The following SDE2 variants were observed in gnomAD, a reference collection of about 807,000 sequenced individuals.
The protein encoded by SDE2 is splicing regulator SDE2.
A neutral mutation model predicts 46.9 loss-of-function variants in SDE2; 31 were observed. That is an observed-to-expected ratio of 0.66 (90% CI 0.50 to 0.89). The LOEUF (loss-of-function observed/expected upper bound fraction) is 0.89. Ranked by LOEUF, SDE2 falls within the 40% of genes least tolerant of loss-of-function variation. SDE2 has a pLI of 0.00. For missense variants in SDE2, 542 were observed against 564.4 expected (o/e 0.96, Z 0.40); for synonymous variants, 205 against 204.3 (o/e 1.00, Z -0.03).
chr1:225,990,317 C>T (rs1576175011), intron 5 of SDE2, among the ~76,000 whole-genome samples: 1 of 152,070 alleles, frequency 6.6e-6, no homozygotes, highest in East Asian at 1.9e-4. Flanking sequence ...ATATGACATC[C>T]TAGAAAAGAC....
chr1:225,993,177 A>T (rs890140273), intron 2 of SDE2, among the ~76,000 whole-genome samples, 175 bp from the exon 3 acceptor site: 11 of 152,088 alleles, frequency 7.2e-5, no homozygotes, highest in Non-Finnish European at 1.3e-4. Flanking sequence ...CGAAAGTAAA[A>T]AGACTGATTT....
At chr1:225,997,333 T>C (rs1344733458) in intron 1 of SDE2, among the ~76,000 whole-genome samples, 1 of 152,248 alleles carries the variant, frequency 6.6e-6, no homozygotes, top group Non-Finnish European at 1.5e-5. Context: ...CTATTCTTAC[T>C]TGTTCCAGTA....
In SDE2 at chr1:225,985,069, G is replaced by C. The variant is rs534712926; in HGVS notation, c.*233C>G. On this transcript the variant is annotated 3_prime_UTR_variant, in exon 7 of 7. Coordinates refer to ENST00000272091, the MANE Select transcript of SDE2 (RefSeq NM_152608.4). ...ACACCAAGATCAAACCAAAAAATGT[G>C]AATAGCCCTATATTTATTAAATACA... 6.7e-4 allele frequency: 337 copies of C among 503,298 alleles called. 5 individuals are homozygous for C. The South Asian group carries it at 8.1e-3, about 12-fold the overall frequency. The allele number at this position is 503,298 out of a possible 1,614,324, so 31.2% of individuals were successfully genotyped here.
At chr1:225,986,833 A>T (rs1656280579) in intron 6 of SDE2, among the ~76,000 whole-genome samples, 1 of 152,252 alleles carries the variant, frequency 6.6e-6, no homozygotes, top group African/African-American at 2.4e-5. Context: ...AGGGCAATTT[A>T]TGCATTTTTA....
At chr1:225,992,276 A>C in intron 4 of SDE2, 122 bp downstream of exon 4, 2 of 621,130 alleles carry the variant, frequency 3.2e-6, no homozygotes, top group Non-Finnish European at 2.7e-6. Flanking sequence ...TTTTCATCAG[A>C]TTCTCAGACA....
chr1:225,996,743 T>C (rs1304383604), intron 1 of SDE2, among the ~76,000 whole-genome samples: 3 of 152,228 alleles, frequency 2.0e-5, no homozygotes, highest in East Asian at 3.9e-4. Context: ...ATTACAAGAT[T>C]TGGGGCTAGG....
chr1:225,992,851 T>C (rs775760158), intron 3 of SDE2, 40 bp downstream of exon 3: 3 of 1,140,856 alleles, frequency 2.6e-6, no homozygotes, highest in Admixed American at 3.5e-5. Flanking sequence ...GGAAAGTATA[T>C]GTCTCTCCTC....
intron 1 of SDE2, among the ~76,000 whole-genome samples, 192 bp downstream of exon 1, chr1:225,999,001 A>G (rs1245511736): frequency 6.6e-6 from 1 of 152,062 alleles, no homozygotes; most frequent in African/African-American, 2.4e-5. Flanking sequence ...AGGCAAAACC[A>G]CCACCACAAA....
Position 225,988,329 on chromosome 1 carries a change from T to G in SDE2, c.701A>C (p.Asp234Ala). The change falls in exon 6 of 7, where the codon GAC becomes GCC. Residue 234 changes from aspartate to alanine, a missense_variant. Asp to Ala is a moderately radical substitution (Grantham distance 126, BLOSUM62 -2). Around this residue, in one of 3 missense-constraint regions of SDE2, gnomAD observed 401 missense variants for 437.8 expected, o/e 0.92. Transcript: ENST00000272091. The stretch of plus-strand genomic sequence containing the variant: ...TGAAGTGCTTGGTGCTTCTTCACTG[T>G]CATCATCTGAACTCTCAGAGTTGGA... ...EGSNSESSDD[D>A]SEEAPSTSGM... The G allele has an allele frequency of 2.5e-6, 4 of 1,614,152 alleles. No homozygotes were observed. Among genetic ancestry groups the G allele is most frequent in the Non-Finnish European group, 3.4e-6 (4 of 1,179,978 alleles).
At chr1:225,995,099 A>G (rs4653702) in intron 2 of SDE2, among the ~76,000 whole-genome samples, 167 bp downstream of exon 2, 54,451 of 152,158 alleles carry the variant, frequency 0.36, 10,978 homozygotes, top group Admixed American at 0.52. Context: ...GGTTAAGTAA[A>G]TAAAAGAATT....
In SDE2 at chr1:225,994,903, G is replaced by A. The variant is rs866922157; in HGVS notation, c.238+363C>T. Among the ~76,000 whole-genome samples the A allele has an allele frequency of 9.9e-5, 15 of 152,240 alleles. 1 individual carries two copies. The highest frequency in any genetic ancestry group is 3.4e-3 in the Middle Eastern group (1 of 294). On this transcript the variant is annotated intron_variant, in intron 2 of 6. Transcript: ENST00000272091. Reference sequence around the variant, plus strand: ...TACAAAAAATACAAAAATTAGCTGCGCATGGTGGCATGTGCCTATAGTCCC... The same window carrying A: ...TACAAAAAATACAAAAATTAGCTGCACATGGTGGCATGTGCCTATAGTCCC...
chr1:225,998,391 G>C (rs548054076), intron 1 of SDE2, among the ~76,000 whole-genome samples: 2 of 152,302 alleles, frequency 1.3e-5, no homozygotes, highest in South Asian at 2.1e-4. Context: ...TAAATAGTAA[G>C]CAGAGGAAAT....
chr1:225,987,332 C>T (rs571944478), intron 6 of SDE2, among the ~76,000 whole-genome samples: 9 of 152,132 alleles, frequency 5.9e-5, no homozygotes, highest in Non-Finnish European at 1.2e-4. Context: ...GGATTACAGG[C>T]GTGAGCCACC....
At position 225,985,052 on chromosome 1, in the gene SDE2, A is replaced by G; in HGVS notation, c.*250T>C. ...GATTCATTACCTAAATGACACCAAG[A>G]TCAAACCAAAAAATGTGAATAGCCC... On this transcript the variant is annotated 3_prime_UTR_variant, in exon 7 of 7. Transcript: ENST00000272091. 2.1e-6 allele frequency: 1 copy of G among 469,614 alleles called. No individual in the cohort carries two copies. Among genetic ancestry groups the G allele is most frequent in the Non-Finnish European group, 3.8e-6 (1 of 264,064 alleles). The allele number at this position is 469,614 out of a possible 1,614,324, so 29.1% of individuals were successfully genotyped here.
chr1:225,989,304 A>T (rs57327774), intron 5 of SDE2, among the ~76,000 whole-genome samples: 1,677 of 146,502 alleles, frequency 0.011, 25 homozygotes, highest in South Asian at 0.057. Flanking sequence ...AAAAAAAAAA[A>T]AAAAATAATA....
chr1:225,997,813 G>A (rs73100509), intron 1 of SDE2, among the ~76,000 whole-genome samples: 2,195 of 152,228 alleles, frequency 0.014, 54 homozygotes, highest in African/African-American at 0.05. Context: ...TTTCACTTTG[G>A]ATCAATTGTC....
rs1237620069 is a variant in SDE2 at position 225,985,298 on chromosome 1, A to G, written c.*4T>C. 6.2e-7 allele frequency: 1 copy of G among 1,607,774 alleles called. No individual in the cohort carries two copies. The highest frequency in any genetic ancestry group is 1.7e-5 in the Admixed American group (1 of 60,008). On this transcript the variant is annotated 3_prime_UTR_variant, in exon 7 of 7. Transcript: ENST00000272091. Reference sequence around the variant, plus strand: ...AAACAAATAGGAATCAGCTCTGATGATACTCATTTTTTCTTCCCTTTCAAA... The same window carrying G: ...AAACAAATAGGAATCAGCTCTGATGGTACTCATTTTTTCTTCCCTTTCAAA...
intron 1 of SDE2, among the ~76,000 whole-genome samples, chr1:225,996,482 C>T (rs1381405075): frequency 6.6e-6 from 1 of 152,078 alleles, no homozygotes; most frequent in East Asian, 1.9e-4. Flanking sequence ...AACAAAATTG[C>T]ATTTTCTACT....
At chr1:225,996,059 T>C (rs1028351928) in intron 1 of SDE2, among the ~76,000 whole-genome samples, 2 of 152,158 alleles carry the variant, frequency 1.3e-5, no homozygotes, top group African/African-American at 2.4e-5. Context: ...CTGGTGGATG[T>C]ATGGAGACTG....
Sources: gnomAD v4.1 joint callset for allele counts (sites outside exome capture counted in the v4.1 genomes callset) on GRCh38, gnomAD v4.1.1 for gene constraint, gnomAD v4.1.1 regional missense constraint, MANE v1.5 for transcripts, NCBI Gene and HGNC (gene_info 2026-07-23, HGNC 2026-07-21) for gene names.